The following JRK variants were observed in gnomAD, a reference collection of about 807,000 sequenced individuals.
The protein encoded by JRK is jerky protein homolog.
For missense variants in JRK, 720 were observed against 509.2 expected (o/e 1.41, Z -3.98); for synonymous variants, 303 against 218.1 (o/e 1.39, Z -3.43).
In JRK at chr8:142,659,338, C is replaced by G; in HGVS notation, c.*5014G>C. 1 of 996,176 alleles carries G rather than the reference C, an allele frequency of 1.0e-6. No homozygotes were observed. The highest frequency in any genetic ancestry group is 1.2e-6 in the Non-Finnish European group (1 of 836,546). The allele number at this position is 996,176 out of a possible 1,614,324, so 61.7% of individuals were successfully genotyped here. A position where few individuals can be genotyped will look rare whatever the true frequency, so the allele number is the denominator to read the frequency against. ...CCATGCTGACACTGGGCAACACATT[C>G]CCTGCTCTGGACCTCAGTTCCTTTG... On this transcript the variant is annotated 3_prime_UTR_variant, in exon 2 of 2. Transcript: ENST00000612905.
chr8:142,647,154 C>T, the JRK span, among the ~76,000 whole-genome samples: 1 of 152,136 alleles, frequency 6.6e-6, no homozygotes, highest in Non-Finnish European at 1.5e-5. Flanking sequence ...TACCTACGTT[C>T]TTAACTGGAT....
chr8:142,665,957 C>G lies in JRK; in HGVS notation c.102G>C (p.Lys34Asn). 1.0e-6 allele frequency: 1 copy of G among 984,388 alleles called. No individual in the cohort carries two copies. 61.0% of individuals were successfully genotyped at this position (984,388 alleles called of 1,614,324 possible). ...GCATCAGTGCCTTCCGGCTCTCGCCCTTCTCCAGGCGCGTGCAGATGTCAA... is the reference window on the plus strand; with the variant it reads ...GCATCAGTGCCTTCCGGCTCTCGCCGTTCTCCAGGCGCGTGCAGATGTCAA... ...EKIDICTRLE[K>N]GESRKALMQE... is the part of the protein sequence containing the mutation. Residue 34 changes from lysine (K) to asparagine (N), a missense_variant, in exon 2 of 2, where the codon AAG becomes AAC. Coordinates refer to ENST00000612905, the MANE Select transcript of JRK (RefSeq NM_003724.4).
chr8:142,658,738 A>T lies in JRK; in HGVS notation c.*5614T>A. 2 of 1,485,490 alleles carry T rather than the reference A, an allele frequency of 1.3e-6. No homozygotes were observed. Among genetic ancestry groups the T allele is most frequent in the Non-Finnish European group, 9.0e-7 (1 of 1,113,426 alleles). The allele number at this position is 1,485,490 out of a possible 1,614,324, so 92.0% of individuals were successfully genotyped here. A position where few individuals can be genotyped will look rare whatever the true frequency, so the allele number is the denominator to read the frequency against. ...GGGGGGACACAAACATGCAGTCCTT[A>T]ACACCATCGTCATGGAGATGGAGGC... On this transcript the variant is annotated 3_prime_UTR_variant, in exon 2 of 2. Coordinates refer to ENST00000612905, the MANE Select transcript of JRK (RefSeq NM_003724.4).
Position 142,661,825 on chromosome 8 carries a change from G to C in JRK, c.*2527C>G. ...CTGAGGCTAAAACATTCAACCACTT[G>C]AGCTTCTGAGACGGGTCAGGAAGTG... On this transcript the variant is annotated 3_prime_UTR_variant, in exon 2 of 2. Transcript: ENST00000612905. 1 of 985,608 alleles carries C rather than the reference G, an allele frequency of 1.0e-6. No homozygotes were observed. The highest frequency in any genetic ancestry group is 1.2e-6 in the Non-Finnish European group (1 of 830,052). The allele number at this position is 985,608 out of a possible 1,614,324, so 61.1% of individuals were successfully genotyped here.
downstream of JRK, among the ~76,000 whole-genome samples, chr8:142,653,843 C>T (rs782803185): frequency 2.0e-5 from 3 of 152,178 alleles, no homozygotes; most frequent in Non-Finnish European, 4.4e-5. Flanking sequence ...CCCTGCCCAC[C>T]AAACTGTCCT....
In JRK at chr8:142,664,498, C is replaced by T. The variant is rs782124635; in HGVS notation, c.1561G>A (p.Val521Met). 19 of 1,609,866 alleles carry T rather than the reference C, an allele frequency of 1.2e-5. No individual in the cohort carries two copies. Among genetic ancestry groups the T allele is most frequent in the East Asian group, 4.5e-5 (2 of 44,688 alleles). ...EVGQLRALRAVFRSQQQVRRR... is the reference protein window; with the variant it reads ...EVGQLRALRAMFRSQQQVRRR... Reference sequence around the variant, plus strand: ...CTCACCTGCTGCTGGCTCCGGAACACGGCACGCAGCGCCCGCAGCTGCCCC... The same window carrying T: ...CTCACCTGCTGCTGGCTCCGGAACATGGCACGCAGCGCCCGCAGCTGCCCC... Residue 521 changes from valine (V) to methionine (M), a missense_variant, in exon 2 of 2, where the codon GTG (valine) becomes ATG (methionine). Coordinates refer to ENST00000612905, the MANE Select transcript of JRK (RefSeq NM_003724.4).
the JRK span, among the ~76,000 whole-genome samples, chr8:142,649,371 T>C: frequency 6.6e-6 from 1 of 152,142 alleles, no homozygotes; most frequent in Non-Finnish European, 1.5e-5. Flanking sequence ...TGGGAGGTAA[T>C]TGTATCATGG....
At position 142,664,665 on chromosome 8, in the gene JRK, G is replaced by C. The variant is rs782720885; in HGVS notation, c.1394C>G (p.Ser465Ter). 6.2e-7 allele frequency: 1 copy of C among 1,611,482 alleles called. No homozygotes were observed. The highest frequency in any genetic ancestry group is 1.1e-5 in the South Asian group (1 of 90,570). Reference protein sequence around the residue: ...ATSPAEVVWSSEKTPKADQDG... With the variant: ...ATSPAEVVWS ...CTGGTCAGCTTTCGGAGTCTTTTCT[G>C]AACTCCACACAACCTCTGCTGGCGA... The change falls in exon 2 of 2, where the codon TCA (serine) becomes TGA (stop). Residue 465 changes from serine to a stop codon, truncating the protein, a stop_gained. Coordinates refer to ENST00000612905, the MANE Select transcript of JRK (RefSeq NM_003724.4). LOFTEE classifies it low-confidence loss of function (END_TRUNC).
chr8:142,664,201 C>T lies in JRK; in HGVS notation c.*151G>A, dbSNP rs1459487844. The T allele has an allele frequency of 7.2e-6, 10 of 1,397,706 alleles. No homozygotes were observed. Among genetic ancestry groups the T allele is most frequent in the African/African-American group, 4.4e-5 (3 of 68,894 alleles). 86.6% of individuals were successfully genotyped at this position (1,397,706 alleles called of 1,614,324 possible). On this transcript the variant is annotated 3_prime_UTR_variant, in exon 2 of 2. Transcript: ENST00000612905. The stretch of plus-strand genomic sequence containing the variant: ...TCGGGCACAGACCGTCCTGGGCACC[C>T]GAGCCACACCCGTGGGCGACCCACT...
At position 142,665,830 on chromosome 8, in the gene JRK, G is replaced by C. The variant is rs1194007118; in HGVS notation, c.229C>G (p.Gln77Glu). Reference protein sequence around the residue: ...ASSDSNKALEQRRTLHTPKLE... With the variant: ...ASSDSNKALEERRTLHTPKLE... ...TTGGGCGTGTGCAGCGTGCGCCGCT[G>C]CTCCAGCGCCTTGTTGGAGTCGGAG... Residue 77 changes from glutamine (Q) to glutamate (E), a missense_variant, in exon 2 of 2, where the codon CAG (glutamine) becomes GAG (glutamate). Physicochemically the swap from Gln to Glu is conservative, Grantham distance 29 (BLOSUM62 2). Transcript: ENST00000612905. 5.1e-6 allele frequency: 4 copies of C among 779,064 alleles called. No homozygotes were observed. In the African/African-American group the frequency reaches 6.8e-5, roughly 13 times the overall value. 48.3% of individuals were successfully genotyped at this position (779,064 alleles called of 1,614,324 possible).
chr8:142,664,635 C>T lies in JRK; in HGVS notation c.1424G>A (p.Gly475Asp), dbSNP rs17846351. 1 of 1,611,206 alleles carries T rather than the reference C, an allele frequency of 6.2e-7. No homozygotes were observed. Among genetic ancestry groups the T allele is most frequent in the Non-Finnish European group, 8.5e-7 (1 of 1,179,376 alleles). ...CTCGCCCTCACCAGGATCTCCTCTGCCGTCCTGGTCAGCTTTCGGAGTCTT... is the reference window on the plus strand; with the variant it reads ...CTCGCCCTCACCAGGATCTCCTCTGTCGTCCTGGTCAGCTTTCGGAGTCTT... ...SEKTPKADQD[G>D]RGDPGEGEEV... is the part of the protein sequence containing the mutation. The change falls in exon 2 of 2, where the codon GGC becomes GAC. Residue 475 changes from glycine (G) to aspartate (D), a missense_variant. Transcript: ENST00000612905.
the JRK span, among the ~76,000 whole-genome samples, chr8:142,647,917 T>C: frequency 6.6e-6 from 1 of 152,178 alleles, no homozygotes; most frequent in Non-Finnish European, 1.5e-5. Context: ...CTGATAGTAA[T>C]ACGGACAATA....
chr8:142,669,714 G>A (rs1554636970), intron 1 of JRK, among the ~76,000 whole-genome samples: 1 of 150,872 alleles, frequency 6.6e-6, no homozygotes, highest in East Asian at 1.9e-4. Context: ...GAAGCACAGG[G>A]CTTCGGGTTC....
intron 1 of JRK, among the ~76,000 whole-genome samples, chr8:142,669,087 T>C (rs1847226487): frequency 6.6e-6 from 1 of 151,688 alleles, no homozygotes; most frequent in Non-Finnish European, 1.5e-5. Context: ...GCGCTGGGGC[T>C]GACTCCGTCC....
In JRK at chr8:142,665,940, G is replaced by A. The variant is rs1451019213; in HGVS notation, c.119C>T (p.Ala40Val). ...GCCCACATTGTACTCCTGCATCAGTGCCTTCCGGCTCTCGCCCTTCTCCAG... is the reference window on the plus strand; with the variant it reads ...GCCCACATTGTACTCCTGCATCAGTACCTTCCGGCTCTCGCCCTTCTCCAG... ...TRLEKGESRK[A>V]LMQEYNVGMS... The change falls in exon 2 of 2, where the codon GCA becomes GTA. Residue 40 changes from alanine to valine, a missense_variant. Transcript: ENST00000612905. 2.3e-6 allele frequency: 2 copies of A among 857,596 alleles called. No individual in the cohort carries two copies. Among genetic ancestry groups the A allele is most frequent in the Non-Finnish European group, 4.1e-6 (2 of 488,720 alleles). 53.1% of individuals were successfully genotyped at this position (857,596 alleles called of 1,614,324 possible).
In JRK at chr8:142,659,147, G is replaced by A; in HGVS notation, c.*5205C>T. The A allele has an allele frequency of 7.5e-7, 1 of 1,336,596 alleles. No homozygotes were observed. Among genetic ancestry groups the A allele is most frequent in the Non-Finnish European group, 9.6e-7 (1 of 1,040,508 alleles). The allele number at this position is 1,336,596 out of a possible 1,614,324, so 82.8% of individuals were successfully genotyped here. Reference sequence around the variant, plus strand: ...AGGTGCCAAGTCCCAGCTCAAGCCTGGCAGCTCCTCCCACTGAGCCTCATG... The same window carrying A: ...AGGTGCCAAGTCCCAGCTCAAGCCTAGCAGCTCCTCCCACTGAGCCTCATG... On this transcript the variant is annotated 3_prime_UTR_variant, in exon 2 of 2. Transcript: ENST00000612905.
At chr8:142,645,690 A>AT in the JRK span, among the ~76,000 whole-genome samples, 1,624 of 148,156 alleles carry the variant, frequency 0.011, 21 homozygotes, top group African/African-American at 0.03. Flanking sequence ...AGAAAAAAAA[A>AT]ATATATATAT....
At position 142,663,497 on chromosome 8, in the gene JRK, G is replaced by A. The variant is rs1018529697; in HGVS notation, c.*855C>T. 4.4e-5 allele frequency: 43 copies of A among 985,294 alleles called. No individual in the cohort carries two copies. Among genetic ancestry groups the A allele is most frequent in the African/African-American group, 5.2e-5 (3 of 57,242 alleles). The allele number at this position is 985,294 out of a possible 1,614,324, so 61.0% of individuals were successfully genotyped here. A position where few individuals can be genotyped will look rare whatever the true frequency, so the allele number is the denominator to read the frequency against. On this transcript the variant is annotated 3_prime_UTR_variant, in exon 2 of 2. Coordinates refer to ENST00000612905, the MANE Select transcript of JRK (RefSeq NM_003724.4). ...TAATCTCTGAATGTCTGATCAAGACGTATTCATGTAAAGGCCATAAGTATG... is the reference window on the plus strand; with the variant it reads ...TAATCTCTGAATGTCTGATCAAGACATATTCATGTAAAGGCCATAAGTATG...
chr8:142,650,547 A>G, the JRK span, among the ~76,000 whole-genome samples: 4 of 152,198 alleles, frequency 2.6e-5, no homozygotes, highest in African/African-American at 7.2e-5. Context: ...ATGATAGTGA[A>G]TAAGTCTGCA....
Sources: gnomAD v4.1 joint callset for allele counts (sites outside exome capture counted in the v4.1 genomes callset) on GRCh38, gnomAD v4.1.1 for gene constraint, MANE v1.5 for transcripts, NCBI Gene and HGNC (gene_info 2026-07-23, HGNC 2026-07-21) for gene names.